GMDS: variants seen among roughly 807,000 people sequenced by gnomAD.
The protein encoded by GMDS is GDP-mannose 4,6-dehydratase.
A neutral mutation model predicts 49.9 loss-of-function variants in GMDS; 20 were observed. The observed-to-expected ratio is 0.40, with a 90% CI of 0.28 to 0.58. The LOEUF is 0.58. Ranked by LOEUF, GMDS falls within the 20% of genes least tolerant of loss-of-function variation. The probability of loss-of-function intolerance (pLI) is 0.42; values close to 1 mark genes in which losing one functional copy is unlikely to be tolerated. For synonymous variants in GMDS, 177 were observed against 178.6 expected (o/e 0.99, Z 0.07); for missense variants, 362 against 481.4 (o/e 0.75, Z 2.32).
intron 1 of GMDS, among the ~76,000 whole-genome samples, chr6:2,236,466 A>G (rs1781359761): frequency 6.6e-6 from 1 of 152,180 alleles, no homozygotes; most frequent in African/African-American, 2.4e-5. Context: ...CAACAAGCAT[A>G]TATGCCACAC....
intron 7 of GMDS, among the ~76,000 whole-genome samples, chr6:1,808,051 T>C (rs752774371): frequency 6.6e-6 from 1 of 152,176 alleles, no homozygotes; most frequent in South Asian, 2.1e-4. Context: ...GAAAAGCCAT[T>C]TCCCACTGTA....
chr6:2,133,825 A>C (rs17134708), intron 1 of GMDS, among the ~76,000 whole-genome samples: 2,722 of 152,290 alleles, frequency 0.018, 70 homozygotes, highest in African/African-American at 0.061. Flanking sequence ...TCAGTGCCCA[A>C]GGATATATCA....
intron 1 of GMDS, among the ~76,000 whole-genome samples, chr6:2,234,950 AC>A (rs377058157): frequency 1.0e-3 from 157 of 152,092 alleles, no homozygotes; most frequent in African/African-American, 3.7e-3. Context: ...ACATGGAGAA[AC>A]CCCGTCTCTA....
chr6:2,142,507 G>A (rs1776352291), intron 1 of GMDS, among the ~76,000 whole-genome samples: 1 of 152,174 alleles, frequency 6.6e-6, no homozygotes, highest in Non-Finnish European at 1.5e-5. Context: ...GTTTCTACAA[G>A]CCAAGGAACA....
intron 4 of GMDS, among the ~76,000 whole-genome samples, chr6:2,009,536 G>A (rs1767416431): frequency 1.3e-5 from 2 of 152,168 alleles, no homozygotes; most frequent in Admixed American, 1.3e-4. Flanking sequence ...CTTTTTAAAA[G>A]GCAGGAGGGT....
chr6:1,695,905 T>C (rs1207159865), intron 9 of GMDS, among the ~76,000 whole-genome samples: 3 of 106,856 alleles, frequency 2.8e-5, no homozygotes, highest in East Asian at 3.6e-4. Context: ...TTTTCTGTCT[T>C]GGTTTTTTTT....
At chr6:1,849,745 C>T (rs966897155) in intron 7 of GMDS, among the ~76,000 whole-genome samples, 5 of 152,026 alleles carry the variant, frequency 3.3e-5, no homozygotes, top group African/African-American at 1.2e-4. Flanking sequence ...TAAGAATTAC[C>T]CTATTATGTC....
rs565531294 is a variant in GMDS at position 1,731,238 on chromosome 6, A to G, written c.891-4726T>C. Among the ~76,000 whole-genome samples, 186 of 152,348 alleles carry G rather than the reference A, an allele frequency of 1.2e-3. No individual in the cohort carries two copies. The South Asian group carries it at 0.018, about 15-fold the overall frequency. On this transcript the variant is annotated intron_variant, in intron 8 of 10. Coordinates refer to ENST00000380815, the MANE Select transcript of GMDS (RefSeq NM_001500.4). The stretch of plus-strand genomic sequence containing the variant: ...AAACCAGAAGAAGGAAGATAAGAAC[A>G]TTAGAGTGCCTCAGGGCAGTCAGTA...
intron 6 of GMDS, among the ~76,000 whole-genome samples, chr6:1,938,645 G>A (rs368921359): frequency 3.3e-5 from 5 of 151,700 alleles, no homozygotes; most frequent in Admixed American, 6.6e-5. Context: ...ATGTGTCTAC[G>A]CATGGCTTTC....
intron 4 of GMDS, among the ~76,000 whole-genome samples, chr6:2,098,310 A>T (rs1300482561): frequency 6.6e-6 from 1 of 152,210 alleles, no homozygotes; most frequent in Non-Finnish European, 1.5e-5. Context: ...CACCTGCCTC[A>T]GCTTCCCAAA....
chr6:1,726,143 A>G (rs776857514), intron 9 of GMDS, among the ~76,000 whole-genome samples: 6 of 152,240 alleles, frequency 3.9e-5, no homozygotes, highest in Non-Finnish European at 8.8e-5. Flanking sequence ...CAACATGAGG[A>G]GATCTGCGTG....
intron 7 of GMDS, among the ~76,000 whole-genome samples, chr6:1,744,986 T>TGCAC (rs1241394786): frequency 1.5e-5 from 2 of 130,164 alleles, no homozygotes; most frequent in African/African-American, 5.1e-5. Context: ...GAGGCACACG[T>TGCAC]GCACACACAC....
At chr6:1,670,196 C>T (rs1393190041) in intron 9 of GMDS, among the ~76,000 whole-genome samples, 1 of 152,102 alleles carries the variant, frequency 6.6e-6, no homozygotes, top group Non-Finnish European at 1.5e-5. Context: ...GGACTTCTGC[C>T]CAGCAGCCTT....
At chr6:1,688,303 C>T (rs1008002027) in intron 9 of GMDS, among the ~76,000 whole-genome samples, 1 of 152,254 alleles carries the variant, frequency 6.6e-6, no homozygotes, top group Non-Finnish European at 1.5e-5. Flanking sequence ...GTCTCAGAAA[C>T]TCTCAAGTGT....
chr6:2,245,216 G>A (rs1312790809), intron 1 of GMDS, 105 bp downstream of exon 1: 2 of 788,496 alleles, frequency 2.5e-6, no homozygotes, highest in Admixed American at 4.3e-5. Context: ...CCGGGACGCC[G>A]AGAGGGCTGT....
chr6:2,235,884 G>C lies in GMDS; in HGVS notation c.102+9437C>G, dbSNP rs116746235. ...TGTGTTGCCAATCTGGTAAGTTTCA[G>C]GAACAAGGCAAACAAATGGTGTTGG... On this transcript the variant is annotated intron_variant, in intron 1 of 10. Transcript: ENST00000380815. Among the ~76,000 whole-genome samples, 929 of 151,724 alleles carry C rather than the reference G, an allele frequency of 6.1e-3. 3 individuals carry two copies. The highest frequency in any genetic ancestry group is 0.017 in the Middle Eastern group (5 of 286).
At chr6:1,803,676 T>C (rs1770044954) in intron 7 of GMDS, among the ~76,000 whole-genome samples, 1 of 152,194 alleles carries the variant, frequency 6.6e-6, no homozygotes, top group Non-Finnish European at 1.5e-5. Flanking sequence ...ATTAAAGAAA[T>C]ACCTGAGAGG....
intron 6 of GMDS, among the ~76,000 whole-genome samples, chr6:1,941,719 T>C (rs1195232195): frequency 6.6e-6 from 1 of 152,118 alleles, no homozygotes. Flanking sequence ...ATCCTAGTGA[T>C]GACGGAGAAA....
intron 4 of GMDS, among the ~76,000 whole-genome samples, chr6:1,980,822 G>A (rs991523599): frequency 3.9e-5 from 6 of 152,170 alleles, no homozygotes; most frequent in Admixed American, 6.5e-5. Context: ...TAAAAGAACT[G>A]AAATCATAAC....
Sources: allele counts gnomAD v4.1 joint callset (sites outside exome capture counted in the v4.1 genomes callset), GRCh38; gene constraint gnomAD v4.1.1; transcripts MANE v1.5; gene names NCBI Gene and HGNC (gene_info 2026-07-23, HGNC 2026-07-21).